The following RTP1 variants were observed in gnomAD, a reference collection of about 807,000 sequenced individuals.
The protein encoded by RTP1 is receptor-transporting protein 1.
In RTP1, 24 loss-of-function variants were observed where a neutral mutation model predicts 27.1. The ratio of observed to expected loss-of-function variants is 0.89; its 90% CI spans 0.64 to 1.25. The LOEUF (loss-of-function observed/expected upper bound fraction) is 1.25. RTP1 is among the 50% of genes most tolerant of loss of function. RTP1 has a pLI of 0.00. For missense variants in RTP1, 338 were observed against 351.6 expected (o/e 0.96, Z 0.31); for synonymous variants, 148 against 148.1 (o/e 1.00, Z 0.00).
In RTP1 at chr3:187,199,828, C is replaced by T; in HGVS notation, c.550C>T (p.Arg184Trp). ...CCACGTGGCCAGCCGCCAGGACAAC[C>T]GGCGGCACCGCGGAGAGTTCTGCGA... ...RIHVASRQDN[R>W]RHRGEFCEAC... The change falls in exon 2 of 2, where the codon CGG (arginine) becomes TGG (tryptophan). Residue 184 changes from arginine (R) to tryptophan (W), a missense_variant. Arg to Trp is a moderately radical substitution (Grantham distance 101). This residue lies in a region of RTP1 where 252 missense variants were observed against 231.5 expected (regional missense o/e 1.09). Transcript: ENST00000312295. 6 of 1,608,668 alleles carry T rather than the reference C, an allele frequency of 3.7e-6. No homozygotes were observed. Among genetic ancestry groups the T allele is most frequent in the Non-Finnish European group, 5.1e-6 (6 of 1,175,832 alleles).
At position 187,199,716 on chromosome 3, in the gene RTP1, G is replaced by T. The variant is rs750760011; in HGVS notation, c.438G>T (p.Leu146=). 109 of 1,613,268 alleles carry T rather than the reference G, an allele frequency of 6.8e-5. 1 individual carries two copies. Among genetic ancestry groups the T allele is most frequent in the Admixed American group, 3.3e-4 (20 of 59,974 alleles). Residue 146 remains leucine (L), a synonymous_variant, in exon 2 of 2, where the codon CTG becomes CTT. Transcript: ENST00000312295. Reference sequence around the variant, plus strand: ...CGCGGCTGGACGAGTCCAGCATGCTGGAGGAGAACATCGAGGGCCTGGTGG... The same window carrying T: ...CGCGGCTGGACGAGTCCAGCATGCTTGAGGAGAACATCGAGGGCCTGGTGG... ...GTARLDESSM[L]EENIEGLVDN...
chr3:187,197,784 GC>G lies in RTP1; in HGVS notation c.270del (p.Arg91GlyfsTer161), dbSNP rs746683854. 1 of 1,611,928 alleles carries G rather than the reference GC, an allele frequency of 6.2e-7. No homozygotes were observed. The highest frequency in any genetic ancestry group is 8.5e-7 in the Non-Finnish European group (1 of 1,178,084). ...CAGTACCTGGAATTGCATGCTTCAG[GC>G]AGGTGAGTAGCCCAGGAAGGTGGAT... is the stretch of plus-strand genomic sequence containing the variant. ...WKQYLELHAS[G>X]RFHCSWCWHT... On this transcript the variant is annotated frameshift_variant and splice_region_variant, in exon 1 of 2. Transcript: ENST00000312295. LOFTEE classifies it high-confidence loss of function.
In RTP1 at chr3:187,200,564, C is replaced by A. The variant is rs1721702261; in HGVS notation, c.*494C>A. ...GAGCTCGACCTTGCTCTTATTAGTC[C>A]CTCACCCCTGCCCCTCATGATCTCC... On this transcript the variant is annotated 3_prime_UTR_variant, in exon 2 of 2. Coordinates refer to ENST00000312295, the MANE Select transcript of RTP1 (RefSeq NM_153708.3). The A allele has an allele frequency of 6.6e-6, 1 of 152,108 alleles. No individual in the cohort carries two copies. The highest frequency in any genetic ancestry group is 1.5e-5 in the Non-Finnish European group (1 of 68,102). The allele number at this position is 152,108 out of a possible 1,614,324, so 9.4% of individuals were successfully genotyped here.
rs1340880001 is a variant in RTP1, at chr3:187,199,533, C to T, written c.273-18C>T. 2 of 1,568,212 alleles carry T rather than the reference C, an allele frequency of 1.3e-6. No individual in the cohort carries two copies. The highest frequency in any genetic ancestry group is 1.7e-6 in the Non-Finnish European group (2 of 1,151,148). ...CTCCGCCCGTCTTCTATTCCTCCCT[C>T]TCCTCCCGTCTCCGCAGGTTCCACT... On this transcript the variant is annotated intron_variant, in intron 1 of 1. Coordinates refer to ENST00000312295, the MANE Select transcript of RTP1 (RefSeq NM_153708.3).
intron 1 of RTP1, 58 bp downstream of exon 1, chr3:187,197,845 G>A: frequency 6.5e-7 from 1 of 1,539,910 alleles, no homozygotes; most frequent in South Asian, 1.2e-5. Flanking sequence ...TAGCTCTGGG[G>A]CACCTTCCAA....
chr3:187,198,240 A>G (rs1362749848), intron 1 of RTP1, among the ~76,000 whole-genome samples: 6 of 152,214 alleles, frequency 3.9e-5, no homozygotes, highest in African/African-American at 1.4e-4. Flanking sequence ...TGAATACATG[A>G]GATGTGCCAG....
At position 187,199,674 on chromosome 3, in the gene RTP1, C is replaced by T. The variant is rs754308163; in HGVS notation, c.396C>T (p.Cys132=). The T allele has an allele frequency of 3.1e-6, 5 of 1,611,378 alleles. No individual in the cohort carries two copies. In the South Asian group the frequency reaches 4.4e-5, roughly 14 times the overall value. The change falls in exon 2 of 2, where the codon TGC becomes TGT. Residue 132 remains cysteine (C), a synonymous_variant. Transcript: ENST00000312295. ...SVRMRVFKQL[C]YECGTARLDE... ...GCATGCGCGTCTTCAAGCAGCTGTGCTATGAGTGCGGCACGGCGCGGCTGG... is the reference window on the plus strand; with the variant it reads ...GCATGCGCGTCTTCAAGCAGCTGTGTTATGAGTGCGGCACGGCGCGGCTGG...
Position 187,199,446 on chromosome 3 carries a change from A to C in RTP1, c.273-105A>C, listed in dbSNP as rs1194301620. ...AGGGCGCCGGCAACACACTTCCTCC[A>C]CCTCCAGGCTCTGCTTAGCCTCCAC... is the stretch of plus-strand genomic sequence containing the variant. On this transcript the variant is annotated intron_variant, in intron 1 of 1. Transcript: ENST00000312295. 6 of 1,299,034 alleles carry C rather than the reference A, an allele frequency of 4.6e-6. No individual in the cohort carries two copies. The East Asian group carries it at 1.4e-4, about 31-fold the overall frequency. The allele number at this position is 1,299,034 out of a possible 1,614,324, so 80.5% of individuals were successfully genotyped here.
At position 187,201,367 on chromosome 3, in the gene RTP1, CCTCTTTAATAGAAAGTCACCAT is replaced by C. The variant is rs1268830919; in HGVS notation, c.*1299_*1320del. On this transcript the variant is annotated 3_prime_UTR_variant, in exon 2 of 2. Coordinates refer to ENST00000312295, the MANE Select transcript of RTP1 (RefSeq NM_153708.3). ...CCTCTGTTAAAAACTTGACTACTCT[CCTCTTTAATAGAAAGTCACCAT>C]CATCTGTAGTGATGGAGGAAGGGGG... 1 of 152,122 alleles carries C rather than the reference CCTCTTTAATAGAAAGTCACCAT, an allele frequency of 6.6e-6. No individual in the cohort carries two copies. The highest frequency in any genetic ancestry group is 1.9e-4 in the East Asian group (1 of 5,196). The allele number at this position is 152,122 out of a possible 1,614,324, so 9.4% of individuals were successfully genotyped here. A position where few individuals can be genotyped will look rare whatever the true frequency, so the allele number is the denominator to read the frequency against.
At chr3:187,199,414 T>C in intron 1 of RTP1, 137 bp from the exon 2 acceptor site, 6 of 952,620 alleles carry the variant, frequency 6.3e-6, no homozygotes, top group Non-Finnish European at 9.3e-6. Context: ...GGAAAGCTAA[T>C]GAACCCAGGG....
Position 187,199,685 on chromosome 3 carries a change from G to A in RTP1, c.407G>A (p.Gly136Asp), listed in dbSNP as rs141588969. Residue 136 changes from glycine to aspartate, a missense_variant, in exon 2 of 2, where the codon GGC becomes GAC. By Grantham distance (94) the Gly-to-Asp change is moderately conservative. This residue lies in a region of RTP1 where 252 missense variants were observed against 231.5 expected (regional missense o/e 1.09). Transcript: ENST00000312295. Reference sequence around the variant, plus strand: ...TTCAAGCAGCTGTGCTATGAGTGCGGCACGGCGCGGCTGGACGAGTCCAGC... The same window carrying A: ...TTCAAGCAGCTGTGCTATGAGTGCGACACGGCGCGGCTGGACGAGTCCAGC... ...RVFKQLCYECGTARLDESSML... is the reference protein window; with the variant it reads ...RVFKQLCYECDTARLDESSML... 7.4e-5 allele frequency: 120 copies of A among 1,612,216 alleles called. No individual in the cohort carries two copies. In the African/African-American group the frequency reaches 1.4e-3, roughly 19 times the overall value.
Position 187,199,633 on chromosome 3 carries a change from C to T in RTP1, c.355C>T (p.Arg119Trp), listed in dbSNP as rs201173050. 7.5e-6 allele frequency: 12 copies of T among 1,608,752 alleles called. No homozygotes were observed. The highest frequency in any genetic ancestry group is 1.7e-4 in the Middle Eastern group (1 of 6,048). The change falls in exon 2 of 2, where the codon CGG becomes TGG. Residue 119 changes from arginine to tryptophan, a missense_variant. This residue lies in a region of RTP1 where 252 missense variants were observed against 231.5 expected (regional missense o/e 1.09). Coordinates refer to ENST00000312295, the MANE Select transcript of RTP1 (RefSeq NM_153708.3). ...LFHMFLDRAQ[R>W]AGSVRMRVFK... The stretch of plus-strand genomic sequence containing the variant: ...CCACATGTTCCTGGACCGCGCCCAG[C>T]GGGCGGGCTCGGTGCGCATGCGCGT...
Position 187,201,440 on chromosome 3 carries a change from T to C in RTP1, c.*1370T>C, listed in dbSNP as rs1721718242. On this transcript the variant is annotated 3_prime_UTR_variant, in exon 2 of 2. Transcript: ENST00000312295. ...TCACTTATATAAAGATGGGACACTT[T>C]AATAAAGACAGGATATCTTCCATAA... is the stretch of plus-strand genomic sequence containing the variant. 6.6e-6 allele frequency: 1 copy of C among 152,192 alleles called. No homozygotes were observed. Among genetic ancestry groups the C allele is most frequent in the Non-Finnish European group, 1.5e-5 (1 of 68,040 alleles). 9.4% of individuals were successfully genotyped at this position (152,192 alleles called of 1,614,324 possible).
intron 1 of RTP1, among the ~76,000 whole-genome samples, chr3:187,198,190 T>C (rs950900564): frequency 6.6e-6 from 1 of 152,228 alleles, no homozygotes; most frequent in African/African-American, 2.4e-5. Flanking sequence ...CTGGGACCGG[T>C]TTAAATCTAT....
chr3:187,199,359 C>T (rs1721661518), intron 1 of RTP1, 192 bp from the exon 2 acceptor site: 6 of 575,138 alleles, frequency 1.0e-5, no homozygotes, highest in Non-Finnish European at 1.8e-5. Flanking sequence ...CCTGAGGAAC[C>T]TGCTGTAGTC....
chr3:187,201,411 G>C lies in RTP1; in HGVS notation c.*1341G>C, dbSNP rs1226495733. 1 of 152,096 alleles carries C rather than the reference G, an allele frequency of 6.6e-6. No homozygotes were observed. Among genetic ancestry groups the C allele is most frequent in the African/African-American group, 2.4e-5 (1 of 41,400 alleles). 9.4% of individuals were successfully genotyped at this position (152,096 alleles called of 1,614,324 possible). On this transcript the variant is annotated 3_prime_UTR_variant, in exon 2 of 2. Coordinates refer to ENST00000312295, the MANE Select transcript of RTP1 (RefSeq NM_153708.3). The stretch of plus-strand genomic sequence containing the variant: ...CCATCATCTGTAGTGATGGAGGAAG[G>C]GGGTCACTTATATAAAGATGGGACA...
chr3:187,200,206 T>G lies in RTP1; in HGVS notation c.*136T>G. 1.4e-6 allele frequency: 1 copy of G among 712,552 alleles called. No individual in the cohort carries two copies. Among genetic ancestry groups the G allele is most frequent in the Non-Finnish European group, 2.1e-6 (1 of 486,386 alleles). 44.1% of individuals were successfully genotyped at this position (712,552 alleles called of 1,614,324 possible). A position where few individuals can be genotyped will look rare whatever the true frequency, so the allele number is the denominator to read the frequency against. On this transcript the variant is annotated 3_prime_UTR_variant, in exon 2 of 2. Transcript: ENST00000312295. ...TGACTCAGTGGGGATCTTGGACAAA[T>G]TATACAGTTTTTCCATCTATAAAAC... is the stretch of plus-strand genomic sequence containing the variant.
At position 187,197,703 on chromosome 3, in the gene RTP1, G is replaced by A; in HGVS notation, c.188G>A (p.Trp63Ter). Residue 63 changes from tryptophan (W) to a stop codon, truncating the protein, a stop_gained, in exon 1 of 2, where the codon TGG (tryptophan) becomes TAG (stop). Coordinates refer to ENST00000312295, the MANE Select transcript of RTP1 (RefSeq NM_153708.3). LOFTEE classifies it high-confidence loss of function. ...GAGGAGGCAAAGCCGGCTGACAGCT[G>A]GGACCTCATCATAGACCCCAACCTC... ...KMEEAKPADS[W>*]DLIIDPNLKH... The A allele has an allele frequency of 6.2e-7, 1 of 1,614,184 alleles. No homozygotes were observed. Among genetic ancestry groups the A allele is most frequent in the Non-Finnish European group, 8.5e-7 (1 of 1,180,022 alleles).
intron 1 of RTP1, 142 bp downstream of exon 1, chr3:187,197,929 G>A: frequency 5.1e-6 from 4 of 787,804 alleles, no homozygotes; most frequent in Non-Finnish European, 7.9e-6. Context: ...CTGGAAGTCA[G>A]AGAAAGAGTC....
Sources: gnomAD v4.1 joint callset for allele counts (sites outside exome capture counted in the v4.1 genomes callset) on GRCh38, gnomAD v4.1.1 for gene constraint, gnomAD v4.1.1 regional missense constraint, MANE v1.5 for transcripts, NCBI Gene and HGNC (gene_info 2026-07-23, HGNC 2026-07-21) for gene names.